CCDC88C: variants seen among roughly 807,000 people sequenced by gnomAD.
CCDC88C encodes protein Daple.
CCDC88C carries 131 observed loss-of-function variants against 198.8 expected under a neutral mutation model. The observed-to-expected ratio is 0.66, with a 90% CI of 0.57 to 0.76. The LOEUF is 0.76. CCDC88C is among the 30% of genes least tolerant of loss of function. The pLI is 0.00. For synonymous variants in CCDC88C, 1,166 were observed against 1,114.7 expected (o/e 1.05, Z -0.92); for missense variants, 2,553 against 2,631.6 (o/e 0.97, Z 0.65).
chr14:91,298,390 C>T (rs986745751), intron 21 of CCDC88C, among the ~76,000 whole-genome samples: 3 of 152,068 alleles, frequency 2.0e-5, no homozygotes, highest in Admixed American at 1.3e-4. Context: ...AAAATGTTGC[C>T]GGGCATAGTG....
intron 2 of CCDC88C, among the ~76,000 whole-genome samples, chr14:91,411,619 C>CT (rs1233892042): frequency 6.6e-6 from 1 of 152,124 alleles, no homozygotes; most frequent in Non-Finnish European, 1.5e-5. Flanking sequence ...AGTTCCAAGT[C>CT]TAAAGTGTGG....
chr14:91,386,758 C>T (rs867813234), intron 3 of CCDC88C, among the ~76,000 whole-genome samples: 1 of 152,208 alleles, frequency 6.6e-6, no homozygotes, highest in African/African-American at 2.4e-5. Context: ...TAGAGGCCAG[C>T]ACACTTTCTC....
chr14:91,316,344 C>G (rs1359672505), intron 13 of CCDC88C, among the ~76,000 whole-genome samples: 1 of 152,200 alleles, frequency 6.6e-6, no homozygotes, highest in Non-Finnish European at 1.5e-5. Flanking sequence ...CCCTCCTAAA[C>G]ATGAACTACC....
chr14:91,356,347 G>A (rs891038208), intron 4 of CCDC88C, among the ~76,000 whole-genome samples: 4 of 152,158 alleles, frequency 2.6e-5, no homozygotes, highest in South Asian at 2.1e-4. Context: ...GCAGCCTGCC[G>A]AGGCCACCGT....
Position 91,339,176 on chromosome 14 carries a change from G to C in CCDC88C, c.809+102C>G. 1.4e-6 allele frequency: 2 copies of C among 1,395,440 alleles called. No individual in the cohort carries two copies. The highest frequency in any genetic ancestry group is 2.4e-5 in the East Asian group (1 of 41,050). The allele number at this position is 1,395,440 out of a possible 1,614,324, so 86.4% of individuals were successfully genotyped here. A position where few individuals can be genotyped will look rare whatever the true frequency, so the allele number is the denominator to read the frequency against. On this transcript the variant is annotated intron_variant, in intron 8 of 29. Coordinates refer to ENST00000389857, the MANE Select transcript of CCDC88C (RefSeq NM_001080414.4). This position sits in a 1 kb window ranked among gnomAD's most constrained non-coding sequence, Gnocchi z 5.8. ...GACCCCAGCTGACTCCGGGGCACAC[G>C]TCAGAGCTGTGCCATTGGCAGCACC...
chr14:91,303,543 G>A (rs559548223), intron 20 of CCDC88C, among the ~76,000 whole-genome samples, 158 bp downstream of exon 20: 1 of 82,738 alleles, frequency 1.2e-5, no homozygotes, highest in South Asian at 4.5e-4. Flanking sequence ...CTCTCCCCCA[G>A]GTCCCACCCA....
chr14:91,312,345 A>AGT (rs1891868947), intron 15 of CCDC88C, among the ~76,000 whole-genome samples: 2 of 152,144 alleles, frequency 1.3e-5, no homozygotes, highest in African/African-American at 4.8e-5. Flanking sequence ...CTGGGGTCAC[A>AGT]CCACTGCACT....
Position 91,349,099 on chromosome 14 carries a change from G to A in CCDC88C, c.341-5442C>T, listed in dbSNP as rs1893674362. On this transcript the variant is annotated intron_variant, in intron 4 of 29. Coordinates refer to ENST00000389857, the MANE Select transcript of CCDC88C (RefSeq NM_001080414.4). ...AACACAGCAGAAGATTCCCTCCTGG[G>A]TCCTTGCCAGTAAGACTGGCTCAGT... is the stretch of plus-strand genomic sequence containing the variant. Among the ~76,000 whole-genome samples the A allele has an allele frequency of 2.6e-5, 4 of 152,192 alleles. No individual in the cohort carries two copies. In the South Asian group the frequency reaches 8.3e-4, roughly 32 times the overall value.
Position 91,273,564 on chromosome 14 carries a change from A to C in CCDC88C, c.5148T>G (p.Pro1716=). 1.3e-6 allele frequency: 2 copies of C among 1,505,626 alleles called. No homozygotes were observed. The highest frequency in any genetic ancestry group is 4.7e-5 in the East Asian group (2 of 42,718). The allele number at this position is 1,505,626 out of a possible 1,614,324, so 93.3% of individuals were successfully genotyped here. Residue 1716 remains proline, a synonymous_variant, in exon 30 of 30, where the codon CCT becomes CCG. Transcript: ENST00000389857. This position sits in a 1 kb window ranked among gnomAD's most constrained non-coding sequence, Gnocchi z 5.6. ...GCATCTTGGCCCCTTCTTTCTTGGC[A>C]GGTGGTCCTGGTTGGCCTCCGATGG... is the stretch of plus-strand genomic sequence containing the variant. ...PPAIGGQPGP[P]AKKEGAKMPT... is the part of the protein sequence containing the mutation.
intron 19 of CCDC88C, among the ~76,000 whole-genome samples, chr14:91,304,216 G>C (rs1035883664): frequency 6.6e-6 from 1 of 152,246 alleles, no homozygotes; most frequent in Non-Finnish European, 1.5e-5. Flanking sequence ...ACAAATGTGA[G>C]CTGCTGGGGC....
At chr14:91,353,089 A>G (rs1893887512) in intron 4 of CCDC88C, among the ~76,000 whole-genome samples, 1 of 152,204 alleles carries the variant, frequency 6.6e-6, no homozygotes, top group African/African-American at 2.4e-5. Context: ...ATCAATACTG[A>G]GAGGGTTAAA....
intron 2 of CCDC88C, 126 bp downstream of exon 2, chr14:91,416,612 G>C: frequency 1.4e-6 from 1 of 720,604 alleles, no homozygotes; most frequent in Non-Finnish European, 2.5e-6. Flanking sequence ...AGATACCAGC[G>C]TCTCCACCTT....
rs761029224 is a variant in CCDC88C at position 91,297,320 on chromosome 14, C to G, written c.3951G>C (p.Leu1317=). Reference sequence around the variant, plus strand: ...CTGGCCTCACCTCACAGTGGTTGTCCAGCTTGGTCAGCGAGATGTCCATGG... The same window carrying G: ...CTGGCCTCACCTCACAGTGGTTGTCGAGCTTGGTCAGCGAGATGTCCATGG... ...HQTMDISLTK[L]DNHCELLSRL... The change falls in exon 22 of 30, where the codon CTG becomes CTC. Residue 1317 remains leucine (L), a synonymous_variant. Coordinates refer to ENST00000389857, the MANE Select transcript of CCDC88C (RefSeq NM_001080414.4). The G allele has an allele frequency of 1.9e-6, 3 of 1,613,340 alleles. No individual in the cohort carries two copies. Among genetic ancestry groups the G allele is most frequent in the South Asian group, 2.2e-5 (2 of 90,872 alleles).
At chr14:91,330,779 C>A (rs541569921) in intron 10 of CCDC88C, among the ~76,000 whole-genome samples, 68 of 151,968 alleles carry the variant, frequency 4.5e-4, no homozygotes, top group African/African-American at 1.5e-3. Flanking sequence ...CTCTGGATAA[C>A]CCGGGTACAC....
intron 3 of CCDC88C, among the ~76,000 whole-genome samples, chr14:91,391,168 GC>G (rs1384731159): frequency 6.6e-6 from 1 of 152,048 alleles, no homozygotes; most frequent in Non-Finnish European, 1.5e-5. Context: ...TGAGCCTCAT[GC>G]TGGACCCAGG....
At chr14:91,299,464 C>T (rs888778367) in intron 21 of CCDC88C, among the ~76,000 whole-genome samples, 2 of 152,336 alleles carry the variant, frequency 1.3e-5, no homozygotes, top group East Asian at 1.9e-4. Context: ...TGGGAAGGTG[C>T]GCATCCAGTG....
In CCDC88C at chr14:91,273,602, T is replaced by C. The variant is rs746019915; in HGVS notation, c.5110A>G (p.Ser1704Gly). The change falls in exon 30 of 30, where the codon AGC (serine) becomes GGC (glycine). Residue 1704 changes from serine to glycine, a missense_variant. Transcript: ENST00000389857. The surrounding 1 kb of genome is among the most constrained non-coding windows in gnomAD (Gnocchi z 5.6). ...TGGCCTCCGATGGCTGGGGGATCGC[T>C]GGCCTTTCGGAAGTAGTCACTCAGC... Reference protein sequence around the residue: ...DLLSDYFRKASDPPAIGGQPG... With the variant: ...DLLSDYFRKAGDPPAIGGQPG... 7 of 1,493,316 alleles carry C rather than the reference T, an allele frequency of 4.7e-6. No individual in the cohort carries two copies. Among genetic ancestry groups the C allele is most frequent in the Non-Finnish European group, 6.2e-6 (7 of 1,120,728 alleles). 92.5% of individuals were successfully genotyped at this position (1,493,316 alleles called of 1,614,324 possible).
intron 4 of CCDC88C, among the ~76,000 whole-genome samples, 169 bp from the exon 5 acceptor site, chr14:91,343,826 T>A (rs980273162): frequency 9.2e-5 from 14 of 152,158 alleles, no homozygotes; most frequent in African/African-American, 3.4e-4. Flanking sequence ...TATTTACTTT[T>A]TATTTTATTT....
chr14:91,321,092 C>T lies in CCDC88C; in HGVS notation c.1527+28G>A, dbSNP rs1178355485. The stretch of plus-strand genomic sequence containing the variant: ...GAGGGTGCCCAAGGGTTCTGTGCTT[C>T]CCCGGTGGCCTAAGGAGGCCGAGGT... On this transcript the variant is annotated intron_variant, in intron 13 of 29. Coordinates refer to ENST00000389857, the MANE Select transcript of CCDC88C (RefSeq NM_001080414.4). 2 of 1,580,488 alleles carry T rather than the reference C, an allele frequency of 1.3e-6. 1 individual carries two copies. Among genetic ancestry groups the T allele is most frequent in the South Asian group, 2.3e-5 (2 of 85,982 alleles).
Sources: allele counts gnomAD v4.1 joint callset (sites outside exome capture counted in the v4.1 genomes callset), GRCh38; gene constraint gnomAD v4.1.1; non-coding constraint Gnocchi (gnomAD v3.1); transcripts MANE v1.5; gene names NCBI Gene and HGNC (gene_info 2026-07-23, HGNC 2026-07-21).